LRRC25: variants seen among roughly 807,000 people sequenced by gnomAD.
The protein encoded by LRRC25 is leucine-rich repeat-containing protein 25.
Under a neutral mutation model 18.8 loss-of-function variants are expected in LRRC25, and 5 were observed. The observed-to-expected ratio is 0.27, with a 90% CI of 0.14 to 0.56. The LOEUF is 0.56. Among genes scored for constraint, LRRC25 ranks in the 20% least tolerant of loss-of-function variants. LRRC25 has a pLI of 0.93. For synonymous variants in LRRC25, 161 were observed against 176.8 expected (o/e 0.91, Z 0.71); for missense variants, 341 against 389.8 (o/e 0.87, Z 1.05).
rs746808195 is a variant in LRRC25, at chr19:18,392,104, A to G, written c.801T>C (p.Asn267=). Residue 267 remains asparagine (N), a synonymous_variant, in exon 2 of 2, where the codon AAT becomes AAC. Coordinates refer to ENST00000339007, the MANE Select transcript of LRRC25 (RefSeq NM_145256.3). ...TGTCCTTGTAGTTGATGTAAAAGTC[A>G]TTGTCCTCTGAAGGGTGAGCCCTGG... is the stretch of plus-strand genomic sequence containing the variant. ...DEQGAHPSED[N]DFYINYKDID... The G allele has an allele frequency of 6.2e-7, 1 of 1,613,954 alleles. No individual in the cohort carries two copies. The highest frequency in any genetic ancestry group is 8.5e-7 in the Non-Finnish European group (1 of 1,179,940).
Position 18,396,233 on chromosome 19 carries a change from T to C in LRRC25, c.731A>G (p.Asn244Ser), listed in dbSNP as rs1971965675. ...PSCPSTPDYE[N>S]MFVGQPAAEH... ...GGCTGCTGGCTGGCCCACAAACATG[T>C]TCTCATAGTCGGGAGTGGAGGGGCA... The change falls in exon 1 of 2, where the codon AAC becomes AGC. Residue 244 changes from asparagine (N) to serine (S), a missense_variant. Physicochemically the swap from Asn to Ser is conservative, Grantham distance 46. Coordinates refer to ENST00000339007, the MANE Select transcript of LRRC25 (RefSeq NM_145256.3). The C allele has an allele frequency of 1.9e-6, 3 of 1,611,060 alleles. No individual in the cohort carries two copies. Among genetic ancestry groups the C allele is most frequent in the Non-Finnish European group, 2.5e-6 (3 of 1,177,602 alleles).
Position 18,396,338 on chromosome 19 carries a change from T to C in LRRC25, c.626A>G (p.Asp209Gly). 1 of 1,613,864 alleles carries C rather than the reference T, an allele frequency of 6.2e-7. No homozygotes were observed. The highest frequency in any genetic ancestry group is 8.5e-7 in the Non-Finnish European group (1 of 1,180,014). Residue 209 changes from aspartate (D) to glycine (G), a missense_variant, in exon 1 of 2, where the codon GAT (aspartate) becomes GGT (glycine). Transcript: ENST00000339007. ...CAAGCCTAAACCGGGCTTGGGCCCA[T>C]CCTGAGCAGCCCAGGGTTTGTTCAG... ...RELNKPWAAQ[D>G]GPKPGLGLQP...
rs891555520 is a variant in LRRC25 at position 18,391,878 on chromosome 19, T to C, written c.*109A>G. ...TGGGGCCTCAAGGACAATCCTTTCC[T>C]GTACCCATTCTTCAGATGGGGAAAC... On this transcript the variant is annotated 3_prime_UTR_variant, in exon 2 of 2. Coordinates refer to ENST00000339007, the MANE Select transcript of LRRC25 (RefSeq NM_145256.3). 39 of 1,361,410 alleles carry C rather than the reference T, an allele frequency of 2.9e-5. No individual in the cohort carries two copies. Among genetic ancestry groups the C allele is most frequent in the Middle Eastern group, 2.5e-4 (1 of 3,972 alleles). The allele number at this position is 1,361,410 out of a possible 1,614,324, so 84.3% of individuals were successfully genotyped here.
In LRRC25 at chr19:18,397,574, A is replaced by C. The variant is rs1487560500; in HGVS notation, c.-611T>G. ...AGCGGCCACGGCCAGCACCGTCCGCAGCGCTGCTGGGGTCGCTGGCGTTCC... is the reference window on the plus strand; with the variant it reads ...AGCGGCCACGGCCAGCACCGTCCGCCGCGCTGCTGGGGTCGCTGGCGTTCC... On this transcript the variant is annotated 5_prime_UTR_variant, in exon 1 of 2. Transcript: ENST00000339007. 1 of 154,542 alleles carries C rather than the reference A, an allele frequency of 6.5e-6. No homozygotes were observed. The highest frequency in any genetic ancestry group is 1.9e-4 in the East Asian group (1 of 5,214). The allele number at this position is 154,542 out of a possible 1,614,324, so 9.6% of individuals were successfully genotyped here.
intron 1 of LRRC25, among the ~76,000 whole-genome samples, chr19:18,395,587 C>T (rs1256564831): frequency 2.6e-5 from 4 of 152,130 alleles, no homozygotes; most frequent in Non-Finnish European, 4.4e-5. Context: ...CCTCCTGTCT[C>T]CCCATCCTTG....
At chr19:18,395,846 C>G (rs940664023) in intron 1 of LRRC25, among the ~76,000 whole-genome samples, 1 of 152,106 alleles carries the variant, frequency 6.6e-6, no homozygotes, top group Non-Finnish European at 1.5e-5. Context: ...TCAGCCTCCT[C>G]AGTAGCTGGA....
chr19:18,392,882 C>T (rs1238883519), intron 1 of LRRC25, among the ~76,000 whole-genome samples: 2 of 151,680 alleles, frequency 1.3e-5, no homozygotes, highest in African/African-American at 2.4e-5. Context: ...CCCATCTCCT[C>T]GGGAGGCTGA....
chr19:18,394,839 A>C (rs893726349), intron 1 of LRRC25, among the ~76,000 whole-genome samples: 1 of 152,210 alleles, frequency 6.6e-6, no homozygotes, highest in Non-Finnish European at 1.5e-5. Context: ...GCACTTTGGG[A>C]GGCTAAGACA....
chr19:18,393,871 GC>G (rs1326762637), intron 1 of LRRC25, among the ~76,000 whole-genome samples: 1 of 152,118 alleles, frequency 6.6e-6, no homozygotes, highest in Admixed American at 6.6e-5. Context: ...GTTTCTGGAG[GC>G]CAGTACATAA....
chr19:18,393,611 A>G (rs74526786), intron 1 of LRRC25, among the ~76,000 whole-genome samples: 17 of 100,946 alleles, frequency 1.7e-4, no homozygotes, highest in Admixed American at 2.1e-4. Flanking sequence ...ACAGAGCGGG[A>G]AAAAAAAAAA....
chr19:18,392,145 AG>A lies in LRRC25; in HGVS notation c.780-21del. 6.5e-7 allele frequency: 1 copy of A among 1,526,852 alleles called. No homozygotes were observed. Among genetic ancestry groups the A allele is most frequent in the Non-Finnish European group, 9.0e-7 (1 of 1,112,986 alleles). The allele number at this position is 1,526,852 out of a possible 1,614,324, so 94.6% of individuals were successfully genotyped here. A position where few individuals can be genotyped will look rare whatever the true frequency, so the allele number is the denominator to read the frequency against. On this transcript the variant is annotated intron_variant, in intron 1 of 1. Transcript: ENST00000339007. ...TGAGCCCTGGGGGGACAGACAGACC[AG>A]GGGTAAGTGTGGGAGGGGGAGGACT...
At position 18,393,219 on chromosome 19, in the gene LRRC25, T is replaced by C. The variant is rs531848548; in HGVS notation, c.780-1094A>G. On this transcript the variant is annotated intron_variant, in intron 1 of 1. Coordinates refer to ENST00000339007, the MANE Select transcript of LRRC25 (RefSeq NM_145256.3). ...AGCCTCAGTTTCTGCATCTATAGAA[T>C]TGGTCAAGGAGCAGGTAGCTACTTA... is the stretch of plus-strand genomic sequence containing the variant. Among the ~76,000 whole-genome samples, 3 of 152,278 alleles carry C rather than the reference T, an allele frequency of 2.0e-5. No homozygotes were observed. The South Asian group carries it at 6.2e-4, about 32-fold the overall frequency.
At chr19:18,394,075 C>T (rs1600255508) in intron 1 of LRRC25, among the ~76,000 whole-genome samples, 1 of 152,020 alleles carries the variant, frequency 6.6e-6, no homozygotes, top group African/African-American at 2.4e-5. Context: ...CCTCCTGGCA[C>T]GGACTCTGCT....
intron 1 of LRRC25, among the ~76,000 whole-genome samples, chr19:18,395,854 G>A (rs1471995727): frequency 2.0e-5 from 3 of 152,126 alleles, no homozygotes; most frequent in Admixed American, 2.0e-4. Flanking sequence ...CTCAGTAGCT[G>A]GAACCACAGG....
intron 1 of LRRC25, among the ~76,000 whole-genome samples, chr19:18,393,932 A>C (rs1233751047): frequency 6.6e-6 from 1 of 152,234 alleles, no homozygotes; most frequent in Non-Finnish European, 1.5e-5. Context: ...GATGAACATC[A>C]GAGCACAAGC....
intron 1 of LRRC25, among the ~76,000 whole-genome samples, chr19:18,394,838 G>A (rs1380839734): frequency 6.6e-6 from 1 of 152,190 alleles, no homozygotes; most frequent in Admixed American, 6.5e-5. Flanking sequence ...AGCACTTTGG[G>A]AGGCTAAGAC....
rs1183757607 is a variant in LRRC25, at chr19:18,396,389, C to T, written c.575G>A (p.Arg192Gln). The T allele has an allele frequency of 6.2e-7, 1 of 1,613,448 alleles. No homozygotes were observed. The highest frequency in any genetic ancestry group is 8.5e-7 in the Non-Finnish European group (1 of 1,179,998). The change falls in exon 1 of 2, where the codon CGA (arginine) becomes CAA (glutamine). Residue 192 changes from arginine to glutamine, a missense_variant. Coordinates refer to ENST00000339007, the MANE Select transcript of LRRC25 (RefSeq NM_145256.3). ...CTCCCGGCTTCTGGCCACTCGGCATCGCCAGAGTCTCCAGGCCAGCACAGG... is the reference window on the plus strand; with the variant it reads ...CTCCCGGCTTCTGGCCACTCGGCATTGCCAGAGTCTCCAGGCCAGCACAGG... ...AGPVLAWRLW[R>Q]CRVARSRELN...
intron 1 of LRRC25, among the ~76,000 whole-genome samples, chr19:18,395,777 A>G (rs1328610609): frequency 6.6e-6 from 1 of 152,028 alleles, no homozygotes; most frequent in Admixed American, 6.6e-5. Context: ...CTGGAGTGCA[A>G]TGGCATGAAC....
intron 1 of LRRC25, among the ~76,000 whole-genome samples, chr19:18,395,347 G>T (rs1382393425): frequency 6.7e-6 from 1 of 149,082 alleles, no homozygotes; most frequent in African/African-American, 2.5e-5. Context: ...CTCTAGCCTG[G>T]ATGACAGGGC....
Sources: allele counts gnomAD v4.1 joint callset (sites outside exome capture counted in the v4.1 genomes callset), GRCh38; gene constraint gnomAD v4.1.1; transcripts MANE v1.5; gene names NCBI Gene and HGNC (gene_info 2026-07-23, HGNC 2026-07-21).